FAM228B: variants seen among roughly 807,000 people sequenced by gnomAD.
The protein encoded by FAM228B is family with sequence similarity 228 member B.
In FAM228B, 38 loss-of-function variants were observed where a neutral mutation model predicts 42.6. The observed-to-expected ratio is 0.89, with a 90% CI of 0.69 to 1.17. FAM228B has a LOEUF of 1.17. FAM228B is among the 50% of genes most tolerant of loss of function. The pLI is 0.00. For missense variants in FAM228B, 344 were observed against 367.3 expected, an observed-to-expected ratio of 0.94 and a Z score of 0.52; for synonymous variants, 109 against 122.3, an observed-to-expected ratio of 0.89 and a Z score of 0.72.
intron 8 of FAM228B, among the ~76,000 whole-genome samples, chr2:24,163,702 A>G (rs1667334060): frequency 6.6e-6 from 1 of 152,176 alleles, no homozygotes; most frequent in Non-Finnish European, 1.5e-5. Flanking sequence ...TTGTTCTCAA[A>G]TACATCTTCT....
Position 24,160,016 on chromosome 2 carries a change from T to A in FAM228B, c.687-1490T>A, listed in dbSNP as rs531872208. On this transcript the variant is annotated intron_variant, in intron 7 of 10. Coordinates refer to ENST00000615575, the MANE Select transcript of FAM228B (RefSeq NM_001145710.2). ...TTTTTTTTTTTTTTTTGAGACAGGG[T>A]CTCATTTTGTCACCCAGAGTGGAGT... Among the ~76,000 whole-genome samples, 3 of 143,040 alleles carry A rather than the reference T, an allele frequency of 2.1e-5. No individual in the cohort carries two copies. In the South Asian group the frequency reaches 6.7e-4, roughly 32 times the overall value. 93.8% of individuals were successfully genotyped at this position (143,040 alleles called of 152,430 possible).
rs545889484 is a variant in FAM228B at position 24,156,101 on chromosome 2, C to A, written c.687-5405C>A. Among the ~76,000 whole-genome samples the A allele has an allele frequency of 3.3e-5, 5 of 152,288 alleles. No homozygotes were observed. In the East Asian group the frequency reaches 5.8e-4, roughly 18 times the overall value. ...CTGGAATGTCTTCAGAAGACTGTAGCAAGATGTGTGTGCCTTCTGTGTTCC... is the reference window on the plus strand; with the variant it reads ...CTGGAATGTCTTCAGAAGACTGTAGAAAGATGTGTGTGCCTTCTGTGTTCC... On this transcript the variant is annotated intron_variant, in intron 7 of 10. Coordinates refer to ENST00000615575, the MANE Select transcript of FAM228B (RefSeq NM_001145710.2).
At chr2:24,086,614 C>A (rs923421910) in intron 2 of FAM228B, among the ~76,000 whole-genome samples, 2 of 151,956 alleles carry the variant, frequency 1.3e-5, no homozygotes, top group African/African-American at 4.8e-5. Context: ...AATCCTCCTG[C>A]CTCAGCCTCC....
In FAM228B at chr2:24,138,029, T is replaced by A; in HGVS notation, c.289T>A (p.Cys97Ser). The part of the protein sequence containing the change: ...PLQKKIIEKV[C>S]SHKKIKKRRQ... The stretch of plus-strand genomic sequence containing the variant: ...TCAGAAGAAAATTATAGAAAAAGTT[T>A]GCTCACATAAGAAGATTAAAAAAAG... Residue 97 changes from cysteine to serine, a missense_variant, in exon 4 of 11, where the codon TGC becomes AGC. Cys to Ser is a moderately radical substitution (Grantham distance 112). Coordinates refer to ENST00000615575, the MANE Select transcript of FAM228B (RefSeq NM_001145710.2). 1.3e-6 allele frequency: 2 copies of A among 1,547,252 alleles called. No individual in the cohort carries two copies. Among genetic ancestry groups the A allele is most frequent in the African/African-American group, 1.4e-5 (1 of 72,830 alleles).
chr2:24,080,985 A>G lies in FAM228B; in HGVS notation c.-210+30A>G, dbSNP rs202003549. 18 of 1,614,004 alleles carry G rather than the reference A, an allele frequency of 1.1e-5. No individual in the cohort carries two copies. The East Asian group carries it at 3.3e-4, about 30-fold the overall frequency. ...GTTGGATAGCAGCTGTGCCCACACC[A>G]CTCAGTCCTGCATGGATTAGCACAT... On this transcript the variant is annotated intron_variant, in intron 2 of 10. Transcript: ENST00000613899. This position sits in a 1 kb window ranked among gnomAD's most constrained non-coding sequence, Gnocchi z 4.7.
chr2:24,144,160 G>A (rs1316016643), intron 5 of FAM228B, among the ~76,000 whole-genome samples: 1 of 152,100 alleles, frequency 6.6e-6, no homozygotes, highest in Non-Finnish European at 1.5e-5. Context: ...TTAAAATTTG[G>A]TCTGGGCATG....
At position 24,154,418 on chromosome 2, in the gene FAM228B, G is replaced by C. The variant is rs191131491; in HGVS notation, c.687-7088G>C. Among the ~76,000 whole-genome samples the C allele has an allele frequency of 3.5e-4, 54 of 152,208 alleles. No individual in the cohort carries two copies. The Middle Eastern group carries it at 0.017, about 48-fold the overall frequency. ...TGATCATTTTTAAAATGGGTTGTTTGTTTTCTTATTGTTGAGTGTTAAGAA... is the reference window on the plus strand; with the variant it reads ...TGATCATTTTTAAAATGGGTTGTTTCTTTTCTTATTGTTGAGTGTTAAGAA... On this transcript the variant is annotated intron_variant, in intron 7 of 10. Coordinates refer to ENST00000615575, the MANE Select transcript of FAM228B (RefSeq NM_001145710.2).
At chr2:24,123,917 A>G (rs532813154) in intron 1 of FAM228B, among the ~76,000 whole-genome samples, 2 of 152,286 alleles carry the variant, frequency 1.3e-5, no homozygotes, top group African/African-American at 4.8e-5. Context: ...CTCGCGCAGT[A>G]TGACCGAAAG....
intron 3 of FAM228B, among the ~76,000 whole-genome samples, chr2:24,106,638 A>G (rs1449078673): frequency 1.3e-5 from 2 of 152,090 alleles, no homozygotes; most frequent in Non-Finnish European, 2.9e-5. Context: ...TTCTTAAAGA[A>G]GAAAATTTCC....
rs1665478926 is a variant in FAM228B at position 24,095,502 on chromosome 2, C to G, written c.-121+273C>G. On this transcript the variant is annotated intron_variant, in intron 3 of 10. Coordinates refer to the FAM228B transcript ENST00000613899. The surrounding 1 kb of genome is among the most constrained non-coding windows in gnomAD (Gnocchi z 4.8). The stretch of plus-strand genomic sequence containing the variant: ...TTCCACACCCACGGAGCCTTGCTCA[C>G]TGCTAGTGCAGCAGTCTGAGATCGA... The G allele has an allele frequency of 6.6e-6, 1 of 152,336 alleles. No homozygotes were observed. The highest frequency in any genetic ancestry group is 1.5e-5 in the Non-Finnish European group (1 of 68,096). 9.4% of individuals were successfully genotyped at this position (152,336 alleles called of 1,614,324 possible).
chr2:24,084,689 C>G lies in FAM228B; in HGVS notation c.-210+3734C>G, dbSNP rs1005713344. ...CACACTCCCTCTGAGTTGGAAGCCCCCAGCCCGACCCGGGTCCCCGGCGCC... is the reference window on the plus strand; with the variant it reads ...CACACTCCCTCTGAGTTGGAAGCCCGCAGCCCGACCCGGGTCCCCGGCGCC... On this transcript the variant is annotated intron_variant, in intron 2 of 10. Transcript: ENST00000613899. This position sits in a 1 kb window ranked among gnomAD's most constrained non-coding sequence, Gnocchi z 8.4. 1 of 187,234 alleles carries G rather than the reference C, an allele frequency of 5.3e-6. No homozygotes were observed. Among genetic ancestry groups the G allele is most frequent in the Non-Finnish European group, 1.1e-5 (1 of 91,570 alleles). The allele number at this position is 187,234 out of a possible 1,614,324, so 11.6% of individuals were successfully genotyped here. A position where few individuals can be genotyped will look rare whatever the true frequency, so the allele number is the denominator to read the frequency against.
chr2:24,088,127 C>A (rs1573728659), intron 2 of FAM228B, among the ~76,000 whole-genome samples: 1 of 151,058 alleles, frequency 6.6e-6, no homozygotes, highest in Non-Finnish European at 1.5e-5. Flanking sequence ...ATCCATTTGC[C>A]TAGGCCTCCA....
intron 5 of FAM228B, among the ~76,000 whole-genome samples, chr2:24,146,004 A>G (rs1350794080): frequency 1.3e-5 from 2 of 152,146 alleles, no homozygotes; most frequent in Non-Finnish European, 1.5e-5. Context: ...GTTCCTTTTT[A>G]TAGTGAGTTA....
At chr2:24,141,757 C>A (rs1666753846) in intron 5 of FAM228B, among the ~76,000 whole-genome samples, 1 of 152,036 alleles carries the variant, frequency 6.6e-6, no homozygotes, top group Admixed American at 6.6e-5. Context: ...TGGTATTGGC[C>A]CTCACATGTC....
At chr2:24,104,214 C>A (rs905550455) in intron 3 of FAM228B, among the ~76,000 whole-genome samples, 5 of 152,184 alleles carry the variant, frequency 3.3e-5, no homozygotes, top group Admixed American at 3.3e-4. Context: ...GTGATTCATG[C>A]TCTCCACAGG....
chr2:24,135,107 C>T lies in FAM228B; in HGVS notation c.100-12C>T. 1 of 1,457,146 alleles carries T rather than the reference C, an allele frequency of 6.9e-7. No individual in the cohort carries two copies. Among genetic ancestry groups the T allele is most frequent in the Non-Finnish European group, 9.3e-7 (1 of 1,072,932 alleles). 90.3% of individuals were successfully genotyped at this position (1,457,146 alleles called of 1,614,324 possible). ...AAGATTTTCTTTTCAAAGTTTAATT[C>T]TGTCCTTTCAGGTTTTAGCTAAAGA... On this transcript the variant is annotated splice_polypyrimidine_tract_variant and intron_variant, in intron 2 of 10. Coordinates refer to ENST00000615575, the MANE Select transcript of FAM228B (RefSeq NM_001145710.2).
At chr2:24,118,965 C>T (rs746753793), upstream of FAM228B, among the ~76,000 whole-genome samples, 2 of 152,108 alleles carry the variant, frequency 1.3e-5, no homozygotes, top group Non-Finnish European at 2.9e-5. Flanking sequence ...ACACAATTTA[C>T]CATTTATTAA....
intron 3 of FAM228B, among the ~76,000 whole-genome samples, chr2:24,106,316 C>CTTTTT (rs386389714): frequency 2.1e-3 from 220 of 106,354 alleles, no homozygotes; most frequent in Non-Finnish European, 2.9e-3. Flanking sequence ...ATTCAGCATT[C>CTTTTT]TTTTTTTTTT....
At chr2:24,156,015 G>T (rs1194598587) in intron 7 of FAM228B, among the ~76,000 whole-genome samples, 2 of 152,182 alleles carry the variant, frequency 1.3e-5, no homozygotes, top group Non-Finnish European at 2.9e-5. Context: ...TGCTGATGGG[G>T]CCAGGAGTCT....
Sources: gnomAD v4.1 joint callset for allele counts (sites outside exome capture counted in the v4.1 genomes callset) on GRCh38, gnomAD v4.1.1 for gene constraint, Gnocchi (gnomAD v3.1) non-coding constraint, MANE v1.5 for transcripts, NCBI Gene and HGNC (gene_info 2026-07-23, HGNC 2026-07-21) for gene names.